UBR2: variants seen among roughly 807,000 people sequenced by gnomAD.
UBR2 encodes the protein ubiquitin protein ligase E3 component n-recognin 2.
In UBR2, 92 loss-of-function variants were observed where a neutral mutation model predicts 247.9. The observed-to-expected ratio is 0.37, with a 90% CI of 0.31 to 0.44. The LOEUF is 0.44. Among genes scored for constraint, UBR2 ranks in the 20% least tolerant of loss-of-function variants. The pLI is 1.00. For missense variants in UBR2, 1,613 were observed against 2,112.6 expected, an observed-to-expected ratio of 0.76 and a Z score of 4.64; for synonymous variants, 672 against 693.5, an observed-to-expected ratio of 0.97 and a Z score of 0.49.
intron 7 of UBR2, among the ~76,000 whole-genome samples, chr6:42,610,595 T>C (rs73440648): frequency 0.023 from 3,551 of 152,156 alleles, 126 homozygotes; most frequent in African/African-American, 0.08. Flanking sequence ...AAAAGATAAA[T>C]AGCATATGAT....
rs1434932970 is a variant in UBR2, at chr6:42,606,607, T to C, written c.820T>C (p.Tyr274His). Reference sequence around the variant, plus strand: ...TTTACAGGGGCGTAGGTCTGTTCGATATGGAGATTTTCAGTATTGTGAGCA... The same window carrying C: ...TTTACAGGGGCGTAGGTCTGTTCGACATGGAGATTTTCAGTATTGTGAGCA... ...VDRDGRRSVR[Y>H]GDFQYCEQAK... Residue 274 changes from tyrosine to histidine, a missense_variant, in exon 7 of 47, where the codon TAT becomes CAT. Around this residue, in one of 3 missense-constraint regions of UBR2, gnomAD observed 1,524 missense variants for 1,967.3 expected, o/e 0.77. Transcript: ENST00000372901. 1.2e-6 allele frequency: 2 copies of C among 1,609,676 alleles called. No individual in the cohort carries two copies. The highest frequency in any genetic ancestry group is 1.7e-6 in the Non-Finnish European group (2 of 1,178,444).
At chr6:42,648,401 A>C (rs1331519339) in intron 22 of UBR2, among the ~76,000 whole-genome samples, 1 of 152,194 alleles carries the variant, frequency 6.6e-6, no homozygotes, top group Non-Finnish European at 1.5e-5. Flanking sequence ...TCACATTCAG[A>C]ATAGGTGTTC....
At chr6:42,608,812 G>T (rs577497901) in intron 7 of UBR2, among the ~76,000 whole-genome samples, 1 of 152,002 alleles carries the variant, frequency 6.6e-6, no homozygotes, top group Admixed American at 6.6e-5. Context: ...CTGTTGGATT[G>T]TCTTTTTCTT....
chr6:42,675,191 C>A (rs1029989119), intron 38 of UBR2, among the ~76,000 whole-genome samples: 5 of 152,194 alleles, frequency 3.3e-5, no homozygotes, highest in Admixed American at 6.5e-5. Flanking sequence ...ATTGCTGCAA[C>A]TAAAACCACC....
intron 36 of UBR2, among the ~76,000 whole-genome samples, chr6:42,671,185 C>CAAAA (rs67809948): frequency 9.9e-6 from 1 of 100,916 alleles, no homozygotes; most frequent in Non-Finnish European, 2.0e-5. Context: ...AACTCCATCT[C>CAAAA]AAAAAAAAAA....
At chr6:42,594,335 C>A (rs764190116) in intron 4 of UBR2, 31 bp downstream of exon 4, 1 of 1,552,028 alleles carries the variant, frequency 6.4e-7, no homozygotes, top group Non-Finnish European at 8.8e-7. Flanking sequence ...TTGTTTTTAA[C>A]CCAAGTTTGA....
chr6:42,679,656 T>G, intron 41 of UBR2, 68 bp from the exon 42 acceptor site: 1 of 1,166,022 alleles, frequency 8.6e-7, no homozygotes, highest in South Asian at 1.3e-5. Flanking sequence ...ACTCTGCTAT[T>G]GCTTAACTCT....
At chr6:42,630,652 A>G (rs768813827) in intron 11 of UBR2, among the ~76,000 whole-genome samples, 8 of 152,154 alleles carry the variant, frequency 5.3e-5, no homozygotes, top group Non-Finnish European at 1.0e-4. Flanking sequence ...ACTTCCTCTT[A>G]CTGCCTGCTT....
chr6:42,645,645 G>A, intron 21 of UBR2, 55 bp downstream of exon 21: 1 of 1,560,776 alleles, frequency 6.4e-7, no homozygotes, highest in Non-Finnish European at 8.7e-7. Context: ...CTGCCTATCA[G>A]TCTAGTATCT....
chr6:42,668,128 C>T (rs1798231573), intron 34 of UBR2, among the ~76,000 whole-genome samples: 1 of 152,146 alleles, frequency 6.6e-6, no homozygotes, highest in Non-Finnish European at 1.5e-5. Flanking sequence ...CCTTCCCCTA[C>T]ACAGCCTCTG....
chr6:42,583,062 G>C (rs563428034), intron 2 of UBR2, among the ~76,000 whole-genome samples: 1 of 151,754 alleles, frequency 6.6e-6, no homozygotes, highest in African/African-American at 2.4e-5. Context: ...CAAGTCCTTC[G>C]TCAGACTCAT....
chr6:42,686,553 C>T (rs578202566), intron 44 of UBR2, among the ~76,000 whole-genome samples: 75 of 152,332 alleles, frequency 4.9e-4, no homozygotes, highest in Non-Finnish European at 5.9e-4. Context: ...TCGACAAAAC[C>T]GCCATCGTCA....
In UBR2 at chr6:42,635,544, G is replaced by C. The variant is rs769519935; in HGVS notation, c.1672G>C (p.Asp558His). Residue 558 changes from aspartate (D) to histidine (H), a missense_variant and splice_region_variant, in exon 14 of 47, where the codon GAT (aspartate) becomes CAT (histidine). Coordinates refer to ENST00000372901, the MANE Select transcript of UBR2 (RefSeq NM_001363705.2). ...AATGATGCAGGACTGGTGTGCTTCA[G>C]ATGTGAGTTTCTTCTGGGTGCGGGG... ...ISMMQDWCASDEKVLIEAYKK... is the reference protein window; with the variant it reads ...ISMMQDWCASHEKVLIEAYKK... The C allele has an allele frequency of 5.5e-5, 88 of 1,604,182 alleles. No homozygotes were observed. Among genetic ancestry groups the C allele is most frequent in the Non-Finnish European group, 7.3e-5 (86 of 1,172,098 alleles).
chr6:42,608,887 GAT>G (rs937880206), intron 7 of UBR2, among the ~76,000 whole-genome samples: 1 of 152,058 alleles, frequency 6.6e-6, no homozygotes. Context: ...TGTAGCAAAA[GAT>G]ATATTTTTCT....
Position 42,676,038 on chromosome 6 carries a change from C to A in UBR2, c.4252-18C>A. ...AAAGGAAAGGCGATCTGTCTGATGT[C>A]CTGTGTTTGGTGCCTAGGTGGGCTT... On this transcript the variant is annotated intron_variant, in intron 38 of 46. Transcript: ENST00000372901. The A allele has an allele frequency of 6.2e-7, 1 of 1,600,228 alleles. No individual in the cohort carries two copies. Among genetic ancestry groups the A allele is most frequent in the South Asian group, 1.1e-5 (1 of 88,534 alleles).
intron 34 of UBR2, among the ~76,000 whole-genome samples, chr6:42,669,820 A>T (rs754554604): frequency 4.6e-5 from 7 of 152,190 alleles, no homozygotes; most frequent in Admixed American, 6.5e-5. Flanking sequence ...TGTTCTCAGG[A>T]TGGGAAACAG....
intron 1 of UBR2, among the ~76,000 whole-genome samples, chr6:42,565,118 T>C (rs752427070): frequency 1.3e-5 from 2 of 152,208 alleles, no homozygotes; most frequent in Non-Finnish European, 2.9e-5. Flanking sequence ...AAATACTGTA[T>C]AAGCTAAACG....
At position 42,691,167 on chromosome 6, in the gene UBR2, T is replaced by A; in HGVS notation, c.5262T>A (p.His1754Gln). The A allele has an allele frequency of 6.2e-7, 1 of 1,613,136 alleles. No individual in the cohort carries two copies. The highest frequency in any genetic ancestry group is 8.5e-7 in the Non-Finnish European group (1 of 1,179,786). The change falls in exon 47 of 47, where the codon CAT (histidine) becomes CAA (glutamine). Residue 1754 changes from histidine (H) to glutamine (Q), a missense_variant. Physicochemically the swap from His to Gln is conservative, Grantham distance 24. Around this residue, in one of 3 missense-constraint regions of UBR2, gnomAD observed 80 missense variants for 108.6 expected, o/e 0.74. Transcript: ENST00000372901. ...NQTLVGIDWQ[H>Q]L Reference sequence around the variant, plus strand: ...CACTGGTTGGCATTGACTGGCAACATTTATAATTATTGCACCACCAAAAAA... The same window carrying A: ...CACTGGTTGGCATTGACTGGCAACAATTATAATTATTGCACCACCAAAAAA...
At chr6:42,644,120 G>T in intron 18 of UBR2, 94 bp from the exon 19 acceptor site, 1 of 1,329,366 alleles carries the variant, frequency 7.5e-7, no homozygotes, top group Non-Finnish European at 1.0e-6. Context: ...GCTTTCTCTT[G>T]GGCAAGCCAA....
Sources: gnomAD v4.1 joint callset for allele counts (sites outside exome capture counted in the v4.1 genomes callset) on GRCh38, gnomAD v4.1.1 for gene constraint, gnomAD v4.1.1 regional missense constraint, MANE v1.5 for transcripts, NCBI Gene and HGNC (gene_info 2026-07-23, HGNC 2026-07-21) for gene names.